RXRB: variants seen among roughly 807,000 people sequenced by gnomAD.
RXRB encodes retinoic acid receptor RXR-beta.
RXRB carries 18 observed loss-of-function variants against 52.5 expected under a neutral mutation model. The observed-to-expected ratio is 0.34, with a 90% CI of 0.24 to 0.51. The LOEUF (loss-of-function observed/expected upper bound fraction) is 0.51. Ranked by LOEUF, RXRB falls within the 20% of genes least tolerant of loss-of-function variation. The pLI is 0.97. For missense variants in RXRB, 455 were observed against 698.2 expected, an observed-to-expected ratio of 0.65 and a Z score of 3.92; for synonymous variants, 233 against 267.1, an observed-to-expected ratio of 0.87 and a Z score of 1.25.
chr6:33,194,518 G>T lies in RXRB; in HGVS notation c.*164C>A. 1 of 668,626 alleles carries T rather than the reference G, an allele frequency of 1.5e-6. No individual in the cohort carries two copies. The highest frequency in any genetic ancestry group is 2.4e-6 in the Non-Finnish European group (1 of 417,172). The allele number at this position is 668,626 out of a possible 1,614,324, so 41.4% of individuals were successfully genotyped here. ...GTATCTGGGGTCCCTTCCAACTTGG[G>T]ATATCAAGCAGATCCCTTGGAGGGT... On this transcript the variant is annotated 3_prime_UTR_variant, in exon 10 of 10. Coordinates refer to ENST00000374680, the MANE Select transcript of RXRB (RefSeq NM_021976.5). This position sits in a 1 kb window ranked among gnomAD's most constrained non-coding sequence, Gnocchi z 4.1.
Position 33,195,284 on chromosome 6 carries a change from G to C in RXRB, c.1348+79C>G, listed in dbSNP as rs1428483686. ...GAGGGTCTTACTGAGGGGGATAGCT[G>C]GGTAACTTAGGAGTCTCGGAGAAGA... On this transcript the variant is annotated intron_variant, in intron 8 of 9. Transcript: ENST00000374680. The surrounding 1 kb of genome is among the most constrained non-coding windows in gnomAD (Gnocchi z 8.6). 1.1e-6 allele frequency: 1 copy of C among 945,226 alleles called. No homozygotes were observed. Among genetic ancestry groups the C allele is most frequent in the Admixed American group, 1.7e-5 (1 of 58,440 alleles). The allele number at this position is 945,226 out of a possible 1,614,324, so 58.6% of individuals were successfully genotyped here.
At position 33,200,169 on chromosome 6, in the gene RXRB, G is replaced by A; in HGVS notation, c.235+73C>T. On this transcript the variant is annotated intron_variant, in intron 1 of 9. Transcript: ENST00000374680. This position sits in a 1 kb window ranked among gnomAD's most constrained non-coding sequence, Gnocchi z 6.3. ...GCGGGAGCGCAAGGAAAAGAGCACC[G>A]GGGGAGGGTGTGGGGGAGGGGTCGC... 15 of 1,566,112 alleles carry A rather than the reference G, an allele frequency of 9.6e-6. No individual in the cohort carries two copies. Among genetic ancestry groups the A allele is most frequent in the Middle Eastern group, 2.1e-4 (1 of 4,802 alleles).
chr6:33,195,346 G>A lies in RXRB; in HGVS notation c.1348+17C>T. The A allele has an allele frequency of 6.5e-7, 1 of 1,546,098 alleles. No individual in the cohort carries two copies. Among genetic ancestry groups the A allele is most frequent in the Non-Finnish European group, 8.9e-7 (1 of 1,119,058 alleles). ...GGTTGCCTTGGCCTTGAGAGACAAAGGTAATCCTCCTCTTACCTGGATTAA... is the reference window on the plus strand; with the variant it reads ...GGTTGCCTTGGCCTTGAGAGACAAAAGTAATCCTCCTCTTACCTGGATTAA... On this transcript the variant is annotated intron_variant, in intron 8 of 9. Coordinates refer to ENST00000374680, the MANE Select transcript of RXRB (RefSeq NM_021976.5). This position sits in a 1 kb window ranked among gnomAD's most constrained non-coding sequence, Gnocchi z 8.6.
intron 1 of RXRB, 42 bp from the exon 2 acceptor site, chr6:33,199,458 C>T (rs959723786): frequency 2.4e-6 from 3 of 1,266,048 alleles, no homozygotes; most frequent in Non-Finnish European, 3.0e-6. Flanking sequence ...ACACAAGAGA[C>T]AGAAGAGACA....
chr6:33,197,726 T>G lies in RXRB; in HGVS notation c.820+36A>C. ...CTGAGTGGGATAAGGGAGAAGGGCA[T>G]GTGGTCTAAGACGCCTGGGCAGGGC... On this transcript the variant is annotated intron_variant, in intron 4 of 9. Transcript: ENST00000374680. This position sits in a 1 kb window ranked among gnomAD's most constrained non-coding sequence, Gnocchi z 4.4. 6.2e-7 allele frequency: 1 copy of G among 1,604,352 alleles called. No individual in the cohort carries two copies. The highest frequency in any genetic ancestry group is 1.7e-4 in the Middle Eastern group (1 of 6,016).
rs941859033 is a variant in RXRB at position 33,196,260 on chromosome 6, G to A, written c.993+174C>T. ...GGTTGTTTGGGGAGTGGAGACAGAA[G>A]GAGCTATCACATCCACCTCAGATGT... On this transcript the variant is annotated intron_variant, in intron 5 of 9. Coordinates refer to ENST00000374680, the MANE Select transcript of RXRB (RefSeq NM_021976.5). The surrounding 1 kb of genome is among the most constrained non-coding windows in gnomAD (Gnocchi z 4.0). 2.2e-6 allele frequency: 2 copies of A among 913,096 alleles called. No homozygotes were observed. The highest frequency in any genetic ancestry group is 2.4e-5 in the East Asian group (1 of 41,282). The allele number at this position is 913,096 out of a possible 1,614,324, so 56.6% of individuals were successfully genotyped here.
In RXRB at chr6:33,196,530, C is replaced by T; in HGVS notation, c.897G>A (p.Met299Ile). 6.2e-7 allele frequency: 1 copy of T among 1,613,010 alleles called. No individual in the cohort carries two copies. Among genetic ancestry groups the T allele is most frequent in the East Asian group, 2.2e-5 (1 of 44,884 alleles). ...CTGCCTCCAGGATCCTGTCCACAGG[C>T]ATCTCCTCGGGGGCTCCCCCAGCCC... The part of the protein sequence containing the change: ...GEGAGGAPEE[M>I]PVDRILEAEL... The change falls in exon 5 of 10, where the codon ATG becomes ATA. Residue 299 changes from methionine (M) to isoleucine (I), a missense_variant. Physicochemically the swap from Met to Ile is conservative, Grantham distance 10. Transcript: ENST00000374680. This position sits in a 1 kb window ranked among gnomAD's most constrained non-coding sequence, Gnocchi z 4.0.
chr6:33,199,426 G>A lies in RXRB; in HGVS notation c.236-10C>T. The A allele has an allele frequency of 2.4e-6, 3 of 1,253,236 alleles. No individual in the cohort carries two copies. Among genetic ancestry groups the A allele is most frequent in the Non-Finnish European group, 3.0e-6 (3 of 990,680 alleles). The allele number at this position is 1,253,236 out of a possible 1,614,324, so 77.6% of individuals were successfully genotyped here. A position where few individuals can be genotyped will look rare whatever the true frequency, so the allele number is the denominator to read the frequency against. ...TCTGGGCTTCGGGAGTCTGAGGGAG[G>A]GGTATGTACAGGCACACAGACACAC... On this transcript the variant is annotated splice_polypyrimidine_tract_variant and intron_variant, in intron 1 of 9. Coordinates refer to ENST00000374680, the MANE Select transcript of RXRB (RefSeq NM_021976.5).
chr6:33,197,587 A>T lies in RXRB; in HGVS notation c.820+175T>A, dbSNP rs1166509841. Reference sequence around the variant, plus strand: ...CACAGAGGCCTAACCATTAAGAAGGAAACTCAAGGGCCAGAACAGGGTAAC... The same window carrying T: ...CACAGAGGCCTAACCATTAAGAAGGTAACTCAAGGGCCAGAACAGGGTAAC... On this transcript the variant is annotated intron_variant, in intron 4 of 9. Coordinates refer to ENST00000374680, the MANE Select transcript of RXRB (RefSeq NM_021976.5). The surrounding 1 kb of genome is among the most constrained non-coding windows in gnomAD (Gnocchi z 4.4). 6.6e-6 allele frequency among the ~76,000 whole-genome samples: 1 copy of T among 152,240 alleles called. No individual in the cohort carries two copies. Among genetic ancestry groups the T allele is most frequent in the Non-Finnish European group, 1.5e-5 (1 of 68,020 alleles).
chr6:33,200,655 G>T lies in RXRB; in HGVS notation c.-179C>A. On this transcript the variant is annotated 5_prime_UTR_variant, in exon 1 of 10. Coordinates refer to ENST00000374680, the MANE Select transcript of RXRB (RefSeq NM_021976.5). The surrounding 1 kb of genome is among the most constrained non-coding windows in gnomAD (Gnocchi z 6.3). ...CAGCGCCAATGTGGCAGCCATCTTTGTACAGACGGGAAGTCTCGGCGCGAG... is the reference window on the plus strand; with the variant it reads ...CAGCGCCAATGTGGCAGCCATCTTTTTACAGACGGGAAGTCTCGGCGCGAG... The T allele has an allele frequency of 6.5e-7, 1 of 1,533,134 alleles. No individual in the cohort carries two copies. The highest frequency in any genetic ancestry group is 8.8e-7 in the Non-Finnish European group (1 of 1,139,636). 95.0% of individuals were successfully genotyped at this position (1,533,134 alleles called of 1,614,324 possible).
rs1482693129 is a variant in RXRB at position 33,195,008 on chromosome 6, CG to C, written c.1390del (p.Arg464GlyfsTer41). 1 of 1,612,936 alleles carries C rather than the reference CG, an allele frequency of 6.2e-7. No homozygotes were observed. Among genetic ancestry groups the C allele is most frequent in the Admixed American group, 1.7e-5 (1 of 60,020 alleles). On this transcript the variant is annotated frameshift_variant, in exon 9 of 10. Transcript: ENST00000374680. LOFTEE classifies it high-confidence loss of function. The surrounding 1 kb of genome is among the most constrained non-coding windows in gnomAD (Gnocchi z 8.6). ...CTCCAGTGATGCATACACTTTCTCC[CG>C]CAGGACCTCCACCTCACTAGGGTTG... ...LSNPSEVEVL[R>X]EKVYASLETY...
At chr6:33,198,545 A>G (rs754891321) in intron 2 of RXRB, 81 bp from the exon 3 acceptor site, 1 of 1,345,118 alleles carries the variant, frequency 7.4e-7, no homozygotes, top group Non-Finnish European at 1.1e-6. Context: ...ATCATTCCCT[A>G]CCACTAAGCA....
In RXRB at chr6:33,197,891, G is replaced by C; in HGVS notation, c.691C>G (p.Arg231Gly). 1 of 1,613,566 alleles carries C rather than the reference G, an allele frequency of 6.2e-7. No homozygotes were observed. Among genetic ancestry groups the C allele is most frequent in the Non-Finnish European group, 8.5e-7 (1 of 1,180,016 alleles). Residue 231 changes from arginine (R) to glycine (G), a missense_variant, in exon 4 of 10, where the codon CGC becomes GGC. Arg to Gly is a moderately radical substitution (Grantham distance 125). Around this residue, in one of 4 missense-constraint regions of RXRB, gnomAD observed 15 missense variants for 44.5 expected, o/e 0.34. Transcript: ENST00000374680. The surrounding 1 kb of genome is among the most constrained non-coding windows in gnomAD (Gnocchi z 4.4). ...SCEGCKGFFK[R>G]TIRKDLTYSC... ...TATGTAAGGTCTTTGCGGATGGTGCGTTTGAAGAAGCCCTTGCAACCCTCA... is the reference window on the plus strand; with the variant it reads ...TATGTAAGGTCTTTGCGGATGGTGCCTTTGAAGAAGCCCTTGCAACCCTCA...
rs776223666 is a variant in RXRB, at chr6:33,195,851, G to A, written c.1123+56C>T. ...AAGGCCACTGGGGTCACTAAAGATC[G>A]GGAAGTCAAAGAGGGGTCAAATGTC... On this transcript the variant is annotated intron_variant, in intron 6 of 9. Transcript: ENST00000374680. This position sits in a 1 kb window ranked among gnomAD's most constrained non-coding sequence, Gnocchi z 8.6. The A allele has an allele frequency of 4.5e-5, 73 of 1,605,048 alleles. 1 individual carries two copies. The South Asian group carries it at 4.7e-4, about 10-fold the overall frequency.
chr6:33,198,160 G>A (rs1476255760), intron 3 of RXRB, 148 bp downstream of exon 3: 10 of 1,229,704 alleles, frequency 8.1e-6, no homozygotes, highest in African/African-American at 3.0e-5. Context: ...CCCCAATCGC[G>A]TCCTACATCT....
upstream of RXRB, chr6:33,200,829 TTGGTAAAG>T (rs1351978547): frequency 6.6e-7 from 1 of 1,508,582 alleles, no homozygotes; most frequent in Non-Finnish European, 8.9e-7. This position sits in a 1 kb window ranked among gnomAD's most constrained non-coding sequence, Gnocchi z 6.3. Flanking sequence ...TGCCGCCATA[TTGGTAAAG>T]GCATTAGGGC....
chr6:33,198,032 A>C, intron 3 of RXRB, 91 bp from the exon 4 acceptor site: 1 of 1,404,888 alleles, frequency 7.1e-7, no homozygotes, highest in Non-Finnish European at 9.8e-7. Flanking sequence ...CAAAACTTAA[A>C]GTCCTCCCTG....
Position 33,200,278 on chromosome 6 carries a change from C to T in RXRB, c.199G>A (p.Glu67Lys), listed in dbSNP as rs1359369788. The T allele has an allele frequency of 6.2e-7, 1 of 1,607,022 alleles. No individual in the cohort carries two copies. Among genetic ancestry groups the T allele is most frequent in the South Asian group, 1.1e-5 (1 of 90,738 alleles). The change falls in exon 1 of 10, where the codon GAG (glutamate) becomes AAG (lysine). Residue 67 changes from glutamate to lysine, a missense_variant. Physicochemically the swap from Glu to Lys is moderately conservative, Grantham distance 56 (BLOSUM62 1). Transcript: ENST00000374680. The surrounding 1 kb of genome is among the most constrained non-coding windows in gnomAD (Gnocchi z 6.3). The stretch of plus-strand genomic sequence containing the variant: ...TCGCCCATCCCGTCCCGTCCAGCCT[C>T]CCCTGGCTCCGGCTCCGGGGTTTGT... ...EQQTPEPEPG[E>K]AGRDGMGDSG...
Position 33,198,295 on chromosome 6 carries a change from C to T in RXRB, c.640+13G>A. The T allele has an allele frequency of 6.2e-7, 1 of 1,613,006 alleles. No individual in the cohort carries two copies. Among genetic ancestry groups the T allele is most frequent in the Non-Finnish European group, 8.5e-7 (1 of 1,179,964 alleles). The stretch of plus-strand genomic sequence containing the variant: ...CAGACTCTCCCTCTCTGTTCATCCT[C>T]TGAGCCACATACCTGAGCTTCTGTC... On this transcript the variant is annotated intron_variant, in intron 3 of 9. Coordinates refer to ENST00000374680, the MANE Select transcript of RXRB (RefSeq NM_021976.5).
Sources: gnomAD v4.1 joint callset for allele counts (sites outside exome capture counted in the v4.1 genomes callset) on GRCh38, gnomAD v4.1.1 for gene constraint, gnomAD v4.1.1 regional missense constraint, Gnocchi (gnomAD v3.1) non-coding constraint, MANE v1.5 for transcripts, NCBI Gene and HGNC (gene_info 2026-07-23, HGNC 2026-07-21) for gene names.